NIN: variants seen among roughly 807,000 people sequenced by gnomAD.
The protein encoded by NIN is ninein, also known as glycogen synthase kinase 3 beta-interacting protein.
NIN carries 137 observed loss-of-function variants against 257.6 expected under a neutral mutation model. The ratio of observed to expected loss-of-function variants is 0.53; its 90% CI spans 0.46 to 0.61. The LOEUF is 0.61. Among genes scored for constraint, NIN ranks in the 20% least tolerant of loss-of-function variants. NIN has a pLI of 0.00. For missense variants in NIN, 2,439 were observed against 2,501.2 expected, an observed-to-expected ratio of 0.98 and a Z score of 0.53; for synonymous variants, 918 against 919.8, an observed-to-expected ratio of 1.00 and a Z score of 0.04.
Position 50,744,350 on chromosome 14 carries a change from C to G in NIN, c.5080G>C (p.Asp1694His). 1 of 1,613,924 alleles carries G rather than the reference C, an allele frequency of 6.2e-7. No individual in the cohort carries two copies. The highest frequency in any genetic ancestry group is 2.2e-5 in the East Asian group (1 of 44,868). ...EKMKQLHRCP[D>H]LSDFQQKISS... ...ATTTTTTGCTGGAAGTCAGAGAGAT[C>G]GGGACATCTGTGCAGCTGTAAGAGA... The change falls in exon 23 of 31, where the codon GAT (aspartate) becomes CAT (histidine). Residue 1694 changes from aspartate to histidine, a missense_variant. Transcript: ENST00000530997.
intron 5 of NIN, among the ~76,000 whole-genome samples, chr14:50,791,385 T>C (rs1338449558): frequency 6.6e-6 from 1 of 152,130 alleles, no homozygotes; most frequent in Non-Finnish European, 1.5e-5. Context: ...TTTTCTGCTT[T>C]TGGCTTTTTC....
intron 3 of NIN, among the ~76,000 whole-genome samples, chr14:50,820,361 C>T (rs188576383): frequency 5.3e-5 from 8 of 152,324 alleles, no homozygotes; most frequent in Non-Finnish European, 7.3e-5. Flanking sequence ...TGCCAAGGTG[C>T]AGTCTGTTTA....
chr14:50,738,330 C>T (rs2041105440), intron 26 of NIN, 44 bp from the exon 27 acceptor site: 3 of 1,570,566 alleles, frequency 1.9e-6, no homozygotes, highest in Admixed American at 3.6e-5. Context: ...AATACAATCA[C>T]CCAGCCAGCA....
intron 7 of NIN, among the ~76,000 whole-genome samples, chr14:50,776,659 T>G (rs2141863507): frequency 6.6e-6 from 1 of 152,214 alleles, no homozygotes; most frequent in East Asian, 1.9e-4. Context: ...CCTCTACAAA[T>G]ACATCTGACA....
chr14:50,743,600 G>A (rs182359439), intron 23 of NIN, 71 bp from the exon 24 acceptor site: 30 of 841,842 alleles, frequency 3.6e-5, no homozygotes, highest in Admixed American at 1.9e-4. Flanking sequence ...TTATATGCCT[G>A]CACTTACATT....
At position 50,722,839 on chromosome 14, in the gene NIN, G is replaced by T. The variant is rs1397652525; in HGVS notation, c.*624C>A. ...GTTAAGAGTGCAATTGAGTAAATCAGTTCTAAATCTATAATACAAGAAGAG... is the reference window on the plus strand; with the variant it reads ...GTTAAGAGTGCAATTGAGTAAATCATTTCTAAATCTATAATACAAGAAGAG... On this transcript the variant is annotated 3_prime_UTR_variant, in exon 31 of 31. Transcript: ENST00000530997. The T allele has an allele frequency of 4.7e-6, 1 of 211,146 alleles. No individual in the cohort carries two copies. Among genetic ancestry groups the T allele is most frequent in the East Asian group, 7.1e-5 (1 of 14,090 alleles). The allele number at this position is 211,146 out of a possible 1,614,324, so 13.1% of individuals were successfully genotyped here.
At chr14:50,726,956 C>A (rs2040436215) in intron 29 of NIN, among the ~76,000 whole-genome samples, 1 of 152,030 alleles carries the variant, frequency 6.6e-6, no homozygotes, top group Admixed American at 6.6e-5. Flanking sequence ...AACACTTAAT[C>A]ATAAAAGAAA....
chr14:50,732,911 A>G (rs1226974229), intron 28 of NIN, among the ~76,000 whole-genome samples: 2 of 151,280 alleles, frequency 1.3e-5, no homozygotes, highest in Non-Finnish European at 2.9e-5. Context: ...TGTTTTTAAA[A>G]ACTTCAATCT....
rs561498626 is a variant in NIN at position 50,792,619 on chromosome 14, C to T, written c.435+93G>A. 90 of 1,369,538 alleles carry T rather than the reference C, an allele frequency of 6.6e-5. 1 individual carries two copies. In the South Asian group the frequency reaches 1.1e-3, roughly 16 times the overall value. 84.8% of individuals were successfully genotyped at this position (1,369,538 alleles called of 1,614,324 possible). A position where few individuals can be genotyped will look rare whatever the true frequency, so the allele number is the denominator to read the frequency against. On this transcript the variant is annotated intron_variant, in intron 5 of 30. Transcript: ENST00000530997. ...GTAACTGAGAAAAGCCCACATCGTGCCATCAACCCCCTCAGCTCCCCTGTC... is the reference window on the plus strand; with the variant it reads ...GTAACTGAGAAAAGCCCACATCGTGTCATCAACCCCCTCAGCTCCCCTGTC...
intron 4 of NIN, among the ~76,000 whole-genome samples, chr14:50,799,977 A>G (rs542067354): frequency 1.8e-4 from 27 of 150,270 alleles, no homozygotes; most frequent in African/African-American, 6.2e-4. Context: ...CTCCGTCACA[A>G]AAACAAAAAA....
Position 50,754,565 on chromosome 14 carries a change from G to C in NIN, c.4732C>G (p.Gln1578Glu), listed in dbSNP as rs2041939715. Residue 1578 changes from glutamine (Q) to glutamate (E), a missense_variant and splice_region_variant, in exon 20 of 31, where the codon CAG becomes GAG. Physicochemically the swap from Gln to Glu is conservative, Grantham distance 29. Around this residue, in one of 3 missense-constraint regions of NIN, gnomAD observed 2,043 missense variants for 2,050.2 expected, o/e 1.00. Coordinates refer to ENST00000530997, the MANE Select transcript of NIN (RefSeq NM_020921.4). ...AGAAATATTAAGTATTTCCTTACCT[G>C]TTTCTTTAAATTTTCAACCATCTTC... The part of the protein sequence containing the change: ...VQKMVENLKK[Q>E]ISELKIKNQQ... 6.2e-7 allele frequency: 1 copy of C among 1,602,016 alleles called. No individual in the cohort carries two copies. Among genetic ancestry groups the C allele is most frequent in the Non-Finnish European group, 8.5e-7 (1 of 1,175,396 alleles).
At chr14:50,782,376 TTAAA>T (rs2043169085) in intron 5 of NIN, among the ~76,000 whole-genome samples, 4 of 152,138 alleles carry the variant, frequency 2.6e-5, no homozygotes, top group Admixed American at 2.6e-4. Context: ...TGAAAACAAT[TTAAA>T]TATTCAACAA....
chr14:50,827,995 C>T (rs1595963183), intron 2 of NIN, among the ~76,000 whole-genome samples: 1 of 148,262 alleles, frequency 6.7e-6, no homozygotes, highest in African/African-American at 2.5e-5. Flanking sequence ...AAACAAAAAA[C>T]ACAACAACAA....
intron 30 of NIN, chr14:50,723,959 C>G (rs1413425571): frequency 5.9e-6 from 2 of 336,144 alleles, no homozygotes; most frequent in African/African-American, 4.3e-5. Context: ...CCTAAATAGG[C>G]ATTATTTCTG....
At chr14:50,822,531 G>A (rs1278643529) in intron 2 of NIN, among the ~76,000 whole-genome samples, 1 of 152,200 alleles carries the variant, frequency 6.6e-6, no homozygotes, top group African/African-American at 2.4e-5. Context: ...CATGGTCAGA[G>A]CTTCCATGCT....
chr14:50,822,556 A>G (rs2045275671), intron 2 of NIN, among the ~76,000 whole-genome samples: 1 of 152,214 alleles, frequency 6.6e-6, no homozygotes, highest in Non-Finnish European at 1.5e-5. Context: ...GGCAAGCTTT[A>G]GACAACCTGC....
At chr14:50,737,347 C>T (rs372534616) in intron 27 of NIN, among the ~76,000 whole-genome samples, 1 of 151,944 alleles carries the variant, frequency 6.6e-6, no homozygotes. Context: ...ATCCTCTAGC[C>T]CCAGTGAAGC....
intron 23 of NIN, 122 bp from the exon 24 acceptor site, chr14:50,743,651 C>T: frequency 1.6e-6 from 1 of 607,592 alleles, no homozygotes; most frequent in Non-Finnish European, 3.0e-6. Context: ...GGGAGCAGGG[C>T]AAGGTCAAAG....
intron 12 of NIN, among the ~76,000 whole-genome samples, chr14:50,767,829 A>AC (rs2042566871): frequency 6.6e-6 from 1 of 151,952 alleles, no homozygotes; most frequent in East Asian, 1.9e-4. Context: ...AAAAAAAAAA[A>AC]AAAGTAGAGC....
Sources: gnomAD v4.1 joint callset for allele counts (sites outside exome capture counted in the v4.1 genomes callset) on GRCh38, gnomAD v4.1.1 for gene constraint, gnomAD v4.1.1 regional missense constraint, MANE v1.5 for transcripts, NCBI Gene and HGNC (gene_info 2026-07-23, HGNC 2026-07-21) for gene names.